TCF12: variants seen among roughly 807,000 people sequenced by gnomAD.
The protein encoded by TCF12 is transcription factor 12.
Under a neutral mutation model 86.0 loss-of-function variants are expected in TCF12, and 45 were observed. That is an observed-to-expected ratio of 0.52 (90% CI 0.41 to 0.67). The LOEUF (loss-of-function observed/expected upper bound fraction) is 0.67. Among genes scored for constraint, TCF12 ranks in the 30% least tolerant of loss-of-function variants. TCF12 has a pLI of 0.00. For missense variants in TCF12, 881 were observed against 859.9 expected (o/e 1.02, Z -0.31); for synonymous variants, 330 against 299.6 (o/e 1.10, Z -1.05).
chr15:57,251,101 A>G (rs2060095272), intron 13 of TCF12: 1 of 383,360 alleles, frequency 2.6e-6, no homozygotes, highest in Non-Finnish European at 4.7e-6. Flanking sequence ...GAATGTGCAA[A>G]CATAAAGGTA....
At chr15:57,206,654 C>T (rs2151794662) in intron 8 of TCF12, among the ~76,000 whole-genome samples, 1 of 129,386 alleles carries the variant, frequency 7.7e-6, no homozygotes, top group East Asian at 2.4e-4. Context: ...GTGGCACGAT[C>T]TCAGCTCACT....
At chr15:57,282,050 A>T (rs1428155550) in intron 19 of TCF12, 3 of 241,118 alleles carry the variant, frequency 1.2e-5, no homozygotes, top group African/African-American at 7.1e-5. Flanking sequence ...CATTTTAGAT[A>T]AAGCACAGGT....
At chr15:57,123,157 T>A (rs1418767735) in intron 5 of TCF12, among the ~76,000 whole-genome samples, 1 of 152,244 alleles carries the variant, frequency 6.6e-6, no homozygotes, top group Non-Finnish European at 1.5e-5. Context: ...AGCTCTTTGC[T>A]ATGTCAGAAA....
At chr15:56,918,259 G>T (rs1392129542), upstream of TCF12, 1 of 456,242 alleles carries the variant, frequency 2.2e-6, no homozygotes, top group East Asian at 7.0e-5. Flanking sequence ...GGAAGCTCGG[G>T]GACCTGGGCA....
intron 3 of TCF12, among the ~76,000 whole-genome samples, chr15:56,965,578 A>G (rs1320708992): frequency 6.6e-6 from 1 of 152,264 alleles, no homozygotes; most frequent in Non-Finnish European, 1.5e-5. Context: ...CATGTATATT[A>G]TATCTGGAAA....
chr15:57,222,552 A>G (rs1304096783), intron 8 of TCF12, among the ~76,000 whole-genome samples: 2 of 151,748 alleles, frequency 1.3e-5, no homozygotes, highest in Non-Finnish European at 2.9e-5. Context: ...AAGTATGAAA[A>G]CTAAAACTAT....
intron 12 of TCF12, among the ~76,000 whole-genome samples, chr15:57,236,217 TCCCAGCCGGACACCTC>T (rs1409577483): frequency 9.9e-5 from 15 of 152,246 alleles, no homozygotes; most frequent in African/African-American, 3.4e-4. Flanking sequence ...CTTCCCCACT[TCCCAGCCGGACACCTC>T]CCCAAATACA....
intron 20 of TCF12, among the ~76,000 whole-genome samples, chr15:57,282,852 T>C (rs1034170524): frequency 3.3e-5 from 5 of 152,256 alleles, no homozygotes; most frequent in African/African-American, 2.4e-5. Context: ...GGAGTCATCA[T>C]GTGTACTCTC....
chr15:57,145,778 T>C (rs1161192706), intron 5 of TCF12, among the ~76,000 whole-genome samples: 4 of 152,166 alleles, frequency 2.6e-5, no homozygotes, highest in Non-Finnish European at 4.4e-5. Context: ...AAAAGCTAAC[T>C]CTATGCCCAA....
intron 19 of TCF12, among the ~76,000 whole-genome samples, chr15:57,278,120 C>T (rs1192006276): frequency 6.6e-6 from 1 of 152,100 alleles, no homozygotes; most frequent in Non-Finnish European, 1.5e-5. Flanking sequence ...GCATTAGCCA[C>T]CACACCTGGC....
At chr15:57,135,868 A>AT (rs1271027238) in intron 5 of TCF12, among the ~76,000 whole-genome samples, 1 of 152,174 alleles carries the variant, frequency 6.6e-6, no homozygotes, top group Non-Finnish European at 1.5e-5. Flanking sequence ...GAATGCTTAA[A>AT]TACATTGTTG....
At chr15:57,008,279 G>GT (rs2064596104) in intron 3 of TCF12, among the ~76,000 whole-genome samples, 1 of 151,556 alleles carries the variant, frequency 6.6e-6, no homozygotes, top group African/African-American at 2.4e-5. Flanking sequence ...CTGGCTGTGT[G>GT]TTTTTTTGGA....
At chr15:57,265,067 A>AT (rs1567015098) in intron 18 of TCF12, among the ~76,000 whole-genome samples, 2 of 139,470 alleles carry the variant, frequency 1.4e-5, no homozygotes, top group South Asian at 2.4e-4. Flanking sequence ...CTCTAATGAT[A>AT]AATAGTATAG....
At chr15:57,089,456 G>C (rs781410132) in intron 4 of TCF12, among the ~76,000 whole-genome samples, 34 of 152,132 alleles carry the variant, frequency 2.2e-4, no homozygotes, top group Middle Eastern at 3.2e-3. Context: ...AAAAAGTTAG[G>C]TTAGCAGGGT....
At chr15:57,143,906 C>G (rs1023433392) in intron 5 of TCF12, among the ~76,000 whole-genome samples, 1 of 152,086 alleles carries the variant, frequency 6.6e-6, no homozygotes. Flanking sequence ...CTTCTGTCTC[C>G]AGTAAGAGAG....
intron 3 of TCF12, among the ~76,000 whole-genome samples, chr15:56,967,847 G>A (rs1408302438): frequency 6.6e-6 from 1 of 152,124 alleles, no homozygotes; most frequent in Non-Finnish European, 1.5e-5. Flanking sequence ...AGAATTTCCA[G>A]AAAAGTGTGA....
chr15:57,123,912 G>C (rs940211667), intron 5 of TCF12, among the ~76,000 whole-genome samples: 1 of 144,782 alleles, frequency 6.9e-6, no homozygotes, highest in Non-Finnish European at 1.5e-5. Flanking sequence ...AGAGCTTGCA[G>C]TTAGCCGAGA....
chr15:56,928,346 A>G (rs979356229), intron 3 of TCF12, among the ~76,000 whole-genome samples: 1 of 152,174 alleles, frequency 6.6e-6, no homozygotes, highest in Non-Finnish European at 1.5e-5. Context: ...ACTAGTGATT[A>G]TATTAGAAAT....
chr15:56,931,380 G>A (rs372553616), intron 3 of TCF12, among the ~76,000 whole-genome samples: 16 of 151,858 alleles, frequency 1.1e-4, no homozygotes, highest in African/African-American at 3.4e-4. Flanking sequence ...AAATTTTCAG[G>A]GTAAAAATCA....
Sources: gnomAD v4.1 joint callset for allele counts (sites outside exome capture counted in the v4.1 genomes callset) on GRCh38, gnomAD v4.1.1 for gene constraint, MANE v1.5 for transcripts, NCBI Gene and HGNC (gene_info 2026-07-23, HGNC 2026-07-21) for gene names.